The following PRIM2 variants were observed in gnomAD, a reference collection of about 807,000 sequenced individuals.
PRIM2 encodes DNA primase subunit 2, also known as DNA primase large subunit.
PRIM2 carries 39 observed loss-of-function variants against 67.3 expected under a neutral mutation model. The ratio of observed to expected loss-of-function variants is 0.58; its 90% CI spans 0.45 to 0.76. The LOEUF is 0.76. PRIM2 is among the 30% of genes least tolerant of loss of function. The pLI is 0.00. For missense variants in PRIM2, 398 were observed against 598.7 expected (o/e 0.66, Z 3.50); for synonymous variants, 143 against 198.7 (o/e 0.72, Z 2.36).
At chr6:57,495,563 T>C (rs1773986891) in intron 7 of PRIM2, among the ~76,000 whole-genome samples, 1 of 152,226 alleles carries the variant, frequency 6.6e-6, no homozygotes. Context: ...GGATCAGTGG[T>C]TTGAGGTTCA....
intron 6 of PRIM2, among the ~76,000 whole-genome samples, chr6:57,380,752 G>A (rs1769935146): frequency 4.0e-5 from 6 of 150,090 alleles, no homozygotes; most frequent in African/African-American, 1.5e-4. Context: ...CTAGAGTGTG[G>A]TGATCAATAT....
At chr6:57,362,579 A>G (rs559552915) in intron 5 of PRIM2, among the ~76,000 whole-genome samples, 1 of 152,178 alleles carries the variant, frequency 6.6e-6, no homozygotes, top group Non-Finnish European at 1.5e-5. Flanking sequence ...TGATCTTGAA[A>G]ATGTCCAAGA....
At chr6:57,530,726 T>G (rs1213765203) in intron 8 of PRIM2, among the ~76,000 whole-genome samples, 1 of 152,038 alleles carries the variant, frequency 6.6e-6, no homozygotes, top group African/African-American at 2.4e-5. Flanking sequence ...TTTTCTTTTT[T>G]TTGATACAAG....
At position 57,645,718 on chromosome 6, in the gene PRIM2, T is replaced by C. The variant is rs1482535770; in HGVS notation, c.1300-210T>C. 6.1e-3 allele frequency among the ~76,000 whole-genome samples: 925 copies of C among 151,968 alleles called. 10 individuals are homozygous for C. The highest frequency in any genetic ancestry group is 0.021 in the African/African-American group (885 of 41,418). Reference sequence around the variant, plus strand: ...CAAACACAGAGGCTCAGACTAGAAATATAAATGTGGGAGCCATTTAGGTTT... The same window carrying C: ...CAAACACAGAGGCTCAGACTAGAAACATAAATGTGGGAGCCATTTAGGTTT... On this transcript the variant is annotated intron_variant, in intron 13 of 13. Transcript: ENST00000615550.
At chr6:57,454,039 A>C (rs1298315362) in intron 7 of PRIM2, among the ~76,000 whole-genome samples, 1 of 152,144 alleles carries the variant, frequency 6.6e-6, no homozygotes. Flanking sequence ...CATCTATTGA[A>C]ATAATCATGT....
In PRIM2 at chr6:57,407,464, GT is replaced by G. The variant is rs142882113; in HGVS notation, c.693+25306del. 6.2e-5 allele frequency among the ~76,000 whole-genome samples: 9 copies of G among 146,054 alleles called. No individual in the cohort carries two copies. In the South Asian group the frequency reaches 6.5e-4, roughly 11 times the overall value. ...TCATTGTTTTATGTTTCCAGTGTGG[GT>G]TTTTTTTTTGTGTGTGTGTGAAAGC... is the stretch of plus-strand genomic sequence containing the variant. On this transcript the variant is annotated intron_variant, in intron 7 of 13. Transcript: ENST00000615550.
At chr6:57,425,248 T>G (rs1562745988) in intron 7 of PRIM2, among the ~76,000 whole-genome samples, 1 of 152,210 alleles carries the variant, frequency 6.6e-6, no homozygotes, top group Non-Finnish European at 1.5e-5. Flanking sequence ...ATTATTATTA[T>G]TATTTTTGAG....
chr6:57,492,551 AAAAT>A (rs1554346075), intron 7 of PRIM2, among the ~76,000 whole-genome samples: 1 of 151,218 alleles, frequency 6.6e-6, no homozygotes, highest in Admixed American at 6.6e-5. Flanking sequence ...CTAAAAAAAA[AAAAT>A]AAATAAATAA....
At chr6:57,567,750 T>A (rs1161829789) in intron 10 of PRIM2, among the ~76,000 whole-genome samples, 1 of 152,156 alleles carries the variant, frequency 6.6e-6, no homozygotes, top group Non-Finnish European at 1.5e-5. Flanking sequence ...TGAAATTGTG[T>A]TTATAATCAC....
the PRIM2 span, among the ~76,000 whole-genome samples, chr6:57,237,182 C>T: frequency 0.086 from 12,848 of 149,170 alleles, 773 homozygotes; most frequent in Non-Finnish European, 0.13. Context: ...TGAGCATTTT[C>T]TCATGTGTCT....
chr6:57,485,592 C>CA (rs1298570621), intron 7 of PRIM2, among the ~76,000 whole-genome samples: 1 of 152,118 alleles, frequency 6.6e-6, no homozygotes, highest in Non-Finnish European at 1.5e-5. Flanking sequence ...GTCTCTAAGA[C>CA]AGAGTAGAAG....
chr6:57,411,760 T>C (rs1467707505), intron 7 of PRIM2, among the ~76,000 whole-genome samples: 2 of 152,190 alleles, frequency 1.3e-5, no homozygotes, highest in Non-Finnish European at 2.9e-5. Flanking sequence ...TGAGGGATGT[T>C]GATCTAGACT....
chr6:57,267,927 T>C, the PRIM2 span, among the ~76,000 whole-genome samples: 2 of 151,896 alleles, frequency 1.3e-5, no homozygotes, highest in African/African-American at 4.8e-5. Context: ...AATGAAATCA[T>C]TGTTGCTGGG....
chr6:57,645,318 C>A (rs1777314989), intron 13 of PRIM2, among the ~76,000 whole-genome samples: 2 of 113,090 alleles, frequency 1.8e-5, no homozygotes, highest in Non-Finnish European at 3.6e-5. Context: ...CATACAATGT[C>A]ATTCACACAC....
chr6:57,302,046 T>TCA, the PRIM2 span, among the ~76,000 whole-genome samples: 1 of 152,208 alleles, frequency 6.6e-6, no homozygotes, highest in Non-Finnish European at 1.5e-5. Context: ...ACTTTCAGTC[T>TCA]CACTCTTAGG....
intron 7 of PRIM2, among the ~76,000 whole-genome samples, chr6:57,395,493 G>A (rs906097073): frequency 5.3e-5 from 8 of 152,144 alleles, no homozygotes; most frequent in Non-Finnish European, 7.4e-5. Context: ...TATTTCAGTG[G>A]TGTCAGTTGT....
In PRIM2 at chr6:57,646,718, A is replaced by G. The variant is rs1429476411; in HGVS notation, c.*560A>G. ...TTTAAGTCCTATTTTAGGAGATAAAAACAGCTTTGGGGACTGGTTAAAGTC... is the reference window on the plus strand; with the variant it reads ...TTTAAGTCCTATTTTAGGAGATAAAGACAGCTTTGGGGACTGGTTAAAGTC... On this transcript the variant is annotated 3_prime_UTR_variant, in exon 14 of 14. Transcript: ENST00000615550. The G allele has an allele frequency of 1.3e-5, 2 of 152,268 alleles. No homozygotes were observed. Among genetic ancestry groups the G allele is most frequent in the African/African-American group, 4.8e-5 (2 of 41,454 alleles). 9.4% of individuals were successfully genotyped at this position (152,268 alleles called of 1,614,324 possible).
At chr6:57,315,869 T>A (rs962087261), upstream of PRIM2, among the ~76,000 whole-genome samples, 4 of 152,230 alleles carry the variant, frequency 2.6e-5, no homozygotes, top group Non-Finnish European at 5.9e-5. Context: ...GATAAGATAT[T>A]CATGTAAATA....
chr6:57,314,487 G>T (rs1767443817), upstream of PRIM2, among the ~76,000 whole-genome samples: 1 of 152,256 alleles, frequency 6.6e-6, no homozygotes, highest in Non-Finnish European at 1.5e-5. Flanking sequence ...CTGCACTCCA[G>T]CCTGGGCAAC....
Sources: gnomAD v4.1 joint callset for allele counts (sites outside exome capture counted in the v4.1 genomes callset) on GRCh38, gnomAD v4.1.1 for gene constraint, MANE v1.5 for transcripts, NCBI Gene and HGNC (gene_info 2026-07-23, HGNC 2026-07-21) for gene names.